The following XKR6 variants were observed in gnomAD, a reference collection of about 807,000 sequenced individuals.
XKR6 encodes XK-related protein 6.
XKR6 carries 22 observed loss-of-function variants against 56.7 expected under a neutral mutation model. The ratio of observed to expected loss-of-function variants is 0.39; its 90% CI spans 0.28 to 0.55. The LOEUF is 0.55. XKR6 is among the 20% of genes least tolerant of loss of function. The pLI, the probability that XKR6 is intolerant of heterozygous loss-of-function variation, is 0.66. For synonymous variants in XKR6, 524 were observed against 387.8 expected (o/e 1.35, Z -4.13); for missense variants, 852 against 889.0 (o/e 0.96, Z 0.53).
intron 1 of XKR6, among the ~76,000 whole-genome samples, chr8:11,014,305 CTG>C (rs1293626534): frequency 6.6e-6 from 1 of 152,194 alleles, no homozygotes; most frequent in Non-Finnish European, 1.5e-5. Context: ...TCTGGAAAAA[CTG>C]TTTTAAAAAT....
chr8:11,088,862 G>A (rs1327573662), intron 1 of XKR6, among the ~76,000 whole-genome samples: 1 of 152,202 alleles, frequency 6.6e-6, no homozygotes, highest in Admixed American at 6.5e-5. Flanking sequence ...CCATGTTAGA[G>A]GTATAAGGCA....
At chr8:10,957,571 T>G (rs1563311516) in intron 1 of XKR6, among the ~76,000 whole-genome samples, 1 of 152,140 alleles carries the variant, frequency 6.6e-6, no homozygotes, top group Non-Finnish European at 1.5e-5. Flanking sequence ...GACCCTGGGA[T>G]GCTGATGGCG....
chr8:11,160,352 G>A (rs969281657), intron 1 of XKR6, among the ~76,000 whole-genome samples: 30 of 151,810 alleles, frequency 2.0e-4, no homozygotes, highest in Non-Finnish European at 4.4e-4. Flanking sequence ...TGATGGACAG[G>A]AATAATGGTG....
chr8:11,117,964 G>C (rs186404366), intron 1 of XKR6, among the ~76,000 whole-genome samples: 2 of 152,144 alleles, frequency 1.3e-5, no homozygotes, highest in African/African-American at 4.8e-5. Context: ...AATACCGAGA[G>C]TGTGGGGGAC....
At chr8:10,986,294 T>C (rs1797862837) in intron 1 of XKR6, among the ~76,000 whole-genome samples, 1 of 152,228 alleles carries the variant, frequency 6.6e-6, no homozygotes, top group African/African-American at 2.4e-5. Flanking sequence ...ATGGATCAAT[T>C]ATGTAAACAT....
At chr8:11,169,089 G>C (rs1802233617) in intron 1 of XKR6, among the ~76,000 whole-genome samples, 1 of 152,146 alleles carries the variant, frequency 6.6e-6, no homozygotes, top group Non-Finnish European at 1.5e-5. Flanking sequence ...CCCAGGCCAA[G>C]CTGAGTAGGC....
In XKR6 at chr8:10,898,103, T is replaced by G; in HGVS notation, c.1775A>C (p.Lys592Thr). 6.2e-7 allele frequency: 1 copy of G among 1,614,200 alleles called. No individual in the cohort carries two copies. Among genetic ancestry groups the G allele is most frequent in the Non-Finnish European group, 8.5e-7 (1 of 1,180,032 alleles). The stretch of plus-strand genomic sequence containing the variant: ...ATGAGCATCCCAAGCTGGGTATCGC[T>G]TTCTTGGCATGTCAATCTTAATGAG... Reference protein sequence around the residue: ...GPLIKIDMPRKRYPAWDAHFV... With the variant: ...GPLIKIDMPRTRYPAWDAHFV... Residue 592 changes from lysine to threonine, a missense_variant, in exon 3 of 3, where the codon AAG becomes ACG. Coordinates refer to ENST00000416569, the MANE Select transcript of XKR6 (RefSeq NM_173683.4). The surrounding 1 kb of genome is among the most constrained non-coding windows in gnomAD (Gnocchi z 6.6).
chr8:11,173,760 C>T (rs545060459), intron 1 of XKR6, among the ~76,000 whole-genome samples: 1 of 152,290 alleles, frequency 6.6e-6, no homozygotes, highest in Non-Finnish European at 1.5e-5. Flanking sequence ...TGCTCACAAC[C>T]CACCCACCAG....
chr8:10,941,721 G>T (rs545959533), intron 1 of XKR6, among the ~76,000 whole-genome samples: 7 of 152,334 alleles, frequency 4.6e-5, no homozygotes, highest in Admixed American at 2.0e-4. Context: ...GGGCTCATGG[G>T]TGCTGAGTGC....
chr8:11,117,561 T>A (rs1799242227), intron 1 of XKR6, among the ~76,000 whole-genome samples: 1 of 152,148 alleles, frequency 6.6e-6, no homozygotes, highest in Non-Finnish European at 1.5e-5. Flanking sequence ...TCCAGAAATG[T>A]CACATTTAAT....
At chr8:11,165,624 C>T (rs1386466543) in intron 1 of XKR6, among the ~76,000 whole-genome samples, 1 of 152,088 alleles carries the variant, frequency 6.6e-6, no homozygotes, top group Non-Finnish European at 1.5e-5. Context: ...TCTACTCAGT[C>T]TTCAAAATAA....
At chr8:10,911,346 T>A (rs1209347468) in intron 2 of XKR6, among the ~76,000 whole-genome samples, 1 of 143,356 alleles carries the variant, frequency 7.0e-6, no homozygotes, top group African/African-American at 2.6e-5. Context: ...TATATGTGTG[T>A]GTGTGTGTGT....
chr8:11,113,317 C>T (rs1267742092), intron 1 of XKR6, among the ~76,000 whole-genome samples: 1 of 152,176 alleles, frequency 6.6e-6, no homozygotes, highest in Non-Finnish European at 1.5e-5. Context: ...ATAAGCTCCA[C>T]TACCTCAACA....
intron 1 of XKR6, among the ~76,000 whole-genome samples, chr8:11,153,825 C>G (rs1430693125): frequency 6.6e-6 from 1 of 152,230 alleles, no homozygotes; most frequent in Non-Finnish European, 1.5e-5. Context: ...AACCCATCAA[C>G]AGATCCTCAT....
rs567197513 is a variant in XKR6, at chr8:11,045,709, TTTCTCCTG to T, written c.765-120887_765-120880del. Among the ~76,000 whole-genome samples the T allele has an allele frequency of 1.6e-3, 239 of 152,300 alleles. 1 individual carries two copies. In the South Asian group the frequency reaches 0.018, roughly 12 times the overall value. ...TCCACAACACCAACCACATCAGGTC[TTTCTCCTG>T]TTCCTATCTTTCTCCTGCTCCCTTC... is the stretch of plus-strand genomic sequence containing the variant. On this transcript the variant is annotated intron_variant, in intron 1 of 2. Coordinates refer to ENST00000416569, the MANE Select transcript of XKR6 (RefSeq NM_173683.4).
At chr8:10,984,085 C>T (rs1271661428) in intron 1 of XKR6, among the ~76,000 whole-genome samples, 1 of 152,146 alleles carries the variant, frequency 6.6e-6, no homozygotes, top group Non-Finnish European at 1.5e-5. Context: ...CAAACAAAAT[C>T]TACCAGCACA....
At chr8:11,135,772 C>T (rs978584461) in intron 1 of XKR6, among the ~76,000 whole-genome samples, 1 of 150,762 alleles carries the variant, frequency 6.6e-6, no homozygotes, top group Non-Finnish European at 1.5e-5. Flanking sequence ...AACCACCATA[C>T]AGAAAAAAAT....
chr8:11,137,791 A>T (rs1170885800), intron 1 of XKR6: 1 of 428,884 alleles, frequency 2.3e-6, no homozygotes, highest in Admixed American at 2.6e-5. Flanking sequence ...TTTCCCCTTA[A>T]ACCTCAGGCT....
chr8:10,951,364 G>T (rs533413190), intron 1 of XKR6, among the ~76,000 whole-genome samples: 3 of 151,556 alleles, frequency 2.0e-5, no homozygotes, highest in Non-Finnish European at 4.4e-5. Flanking sequence ...GGTGCTGAGC[G>T]ACGCATGGGT....
Sources: gnomAD v4.1 joint callset for allele counts (sites outside exome capture counted in the v4.1 genomes callset) on GRCh38, gnomAD v4.1.1 for gene constraint, Gnocchi (gnomAD v3.1) non-coding constraint, MANE v1.5 for transcripts, NCBI Gene and HGNC (gene_info 2026-07-23, HGNC 2026-07-21) for gene names.